Variants in SDCBP observed in about 807,000 individuals in gnomAD.
The protein encoded by SDCBP is syntenin-1.
SDCBP carries 22 observed loss-of-function variants against 30.5 expected under a neutral mutation model. The observed-to-expected ratio is 0.72, with a 90% CI of 0.52 to 1.03. The LOEUF is 1.03. SDCBP is among the 50% of genes least tolerant of loss of function. The pLI is 0.00. For synonymous variants in SDCBP, 103 were observed against 118.7 expected (o/e 0.87, Z 0.86); for missense variants, 304 against 369.9 (o/e 0.82, Z 1.46).
At chr8:58,578,326 A>G in intron 6 of SDCBP, 118 bp downstream of exon 6, 1 of 699,048 alleles carries the variant, frequency 1.4e-6, no homozygotes, top group Non-Finnish European at 2.2e-6. Context: ...GTTATTGATG[A>G]GCCTTATAGT....
At chr8:58,565,595 G>A (rs567047515) in intron 2 of SDCBP, among the ~76,000 whole-genome samples, 4 of 152,044 alleles carry the variant, frequency 2.6e-5, no homozygotes, top group Non-Finnish European at 5.9e-5. Flanking sequence ...CATTTCACTT[G>A]TTCATTCTCT....
At chr8:58,576,990 A>G (rs4400367) in intron 5 of SDCBP, among the ~76,000 whole-genome samples, 61,144 of 151,832 alleles carry the variant, frequency 0.4, 13,215 homozygotes, top group African/African-American at 0.57. Context: ...CTGCGTGCTT[A>G]GTTGGGATGC....
chr8:58,567,907 A>G (rs1414873989), intron 2 of SDCBP, among the ~76,000 whole-genome samples: 1 of 152,188 alleles, frequency 6.6e-6, no homozygotes, highest in African/African-American at 2.4e-5. Flanking sequence ...AAAATGGTAC[A>G]TCTGTATAAG....
chr8:58,570,827 T>C, intron 2 of SDCBP, 60 bp from the exon 3 acceptor site: 2 of 1,139,104 alleles, frequency 1.8e-6, no homozygotes, highest in Non-Finnish European at 2.6e-6. Context: ...GCTTATAAAT[T>C]ATATAAGAAT....
At chr8:58,561,317 A>T (rs1804430064) in intron 1 of SDCBP, 1 of 153,702 alleles carries the variant, frequency 6.5e-6, no homozygotes, top group Admixed American at 6.5e-5. Context: ...TTATTTGAAG[A>T]AATACTGGCC....
At chr8:58,569,539 T>C (rs1189393828) in intron 2 of SDCBP, among the ~76,000 whole-genome samples, 1 of 152,254 alleles carries the variant, frequency 6.6e-6, no homozygotes, top group Non-Finnish European at 1.5e-5. Context: ...TTTTTCAAAA[T>C]GTCGTATAGT....
intron 2 of SDCBP, among the ~76,000 whole-genome samples, chr8:58,567,364 T>C (rs1804756131): frequency 6.6e-6 from 1 of 152,234 alleles, no homozygotes; most frequent in African/African-American, 2.4e-5. Flanking sequence ...AGAAGTATTT[T>C]AAATTAATAA....
intron 1 of SDCBP, among the ~76,000 whole-genome samples, chr8:58,563,674 T>A (rs565245313): frequency 6.6e-6 from 1 of 152,302 alleles, no homozygotes; most frequent in South Asian, 2.1e-4. Flanking sequence ...ATAACATGAT[T>A]GAAGAAATAG....
intron 1 of SDCBP, among the ~76,000 whole-genome samples, 187 bp downstream of exon 1, chr8:58,553,490 G>T (rs1460860335): frequency 1.4e-4 from 22 of 152,090 alleles, no homozygotes; most frequent in African/African-American, 5.1e-4. Context: ...TGCTGGCTGG[G>T]GGGGCAAGTT....
At chr8:58,577,154 G>A (rs1198431731) in intron 5 of SDCBP, among the ~76,000 whole-genome samples, 1 of 152,212 alleles carries the variant, frequency 6.6e-6, no homozygotes, top group East Asian at 1.9e-4. Context: ...TAGTTGCAGT[G>A]GATTTGTTCA....
At chr8:58,555,752 G>GTTT (rs901249877) in intron 1 of SDCBP, among the ~76,000 whole-genome samples, 1 of 140,376 alleles carries the variant, frequency 7.1e-6, no homozygotes, top group African/African-American at 2.6e-5. Context: ...TCATTTTTTA[G>GTTT]TTTTTTTTTT....
intron 6 of SDCBP, 151 bp from the exon 7 acceptor site, chr8:58,579,472 G>A (rs9297999): frequency 0.29 from 139,977 of 489,230 alleles, 21,251 homozygotes; most frequent in South Asian, 0.36. Flanking sequence ...AAGATGTTCC[G>A]TGAATGTATA....
intron 2 of SDCBP, among the ~76,000 whole-genome samples, chr8:58,570,244 G>A (rs1389097950): frequency 6.6e-6 from 1 of 152,210 alleles, no homozygotes; most frequent in Non-Finnish European, 1.5e-5. Context: ...ATTGATAAAT[G>A]CTAGAGTGTC....
chr8:58,570,091 C>T (rs1804932342), intron 2 of SDCBP, among the ~76,000 whole-genome samples: 1 of 151,988 alleles, frequency 6.6e-6, no homozygotes, highest in African/African-American at 2.4e-5. Context: ...CAACTTATTA[C>T]CAAACTTGTC....
At chr8:58,573,687 C>T (rs1029755556) in intron 4 of SDCBP, among the ~76,000 whole-genome samples, 1 of 152,110 alleles carries the variant, frequency 6.6e-6, no homozygotes, top group Non-Finnish European at 1.5e-5. Context: ...CTGACAGGAG[C>T]AGGAGGCACA....
intron 7 of SDCBP, among the ~76,000 whole-genome samples, chr8:58,580,187 C>T (rs897548620): frequency 6.6e-6 from 1 of 152,062 alleles, no homozygotes; most frequent in Admixed American, 6.6e-5. Context: ...GTCTTAAGGT[C>T]AAAAAGTTTT....
chr8:58,580,077 T>G (rs1585714104), intron 7 of SDCBP: 1 of 313,662 alleles, frequency 3.2e-6, no homozygotes, highest in East Asian at 5.8e-5. Context: ...TGGCCCAGCA[T>G]TTCTCAATCC....
intron 1 of SDCBP, among the ~76,000 whole-genome samples, chr8:58,564,783 C>T (rs958928866): frequency 1.3e-5 from 2 of 152,048 alleles, no homozygotes; most frequent in African/African-American, 2.4e-5. Context: ...TTTTAAAAAT[C>T]GGTGATGGAT....
At chr8:58,572,800 C>CTTTTTTTTTTTTTT (rs947602204) in intron 4 of SDCBP, among the ~76,000 whole-genome samples, 1 of 83,140 alleles carries the variant, frequency 1.2e-5, no homozygotes, top group African/African-American at 4.9e-5. Context: ...TGCTCATAAT[C>CTTTTTTTTTTTTTT]TTTTTTTTTT....
Sources: gnomAD v4.1 joint callset for allele counts (sites outside exome capture counted in the v4.1 genomes callset) on GRCh38, gnomAD v4.1.1 for gene constraint, MANE v1.5 for transcripts, NCBI Gene and HGNC (gene_info 2026-07-23, HGNC 2026-07-21) for gene names.